Variants in CMC2 observed in about 807,000 individuals in gnomAD.
CMC2 encodes the protein COX assembly mitochondrial protein 2 homolog.
A neutral mutation model predicts 7.5 loss-of-function variants in CMC2; 5 were observed. That is an observed-to-expected ratio of 0.66 (90% confidence interval 0.35 to 1.40). The LOEUF (loss-of-function observed/expected upper bound fraction) is 1.40, where lower values mean the gene tolerates loss of function less well. CMC2 is among the 40% of genes most tolerant of loss of function. The pLI is 0.04. For missense variants in CMC2, 115 were observed against 92.3 expected, an observed-to-expected ratio of 1.25 and a Z score of -1.01; for synonymous variants, 37 against 31.4, an observed-to-expected ratio of 1.18 and a Z score of -0.60.
In CMC2 at chr16:80,969,325, C is replaced by T. The variant is rs140618855; in HGVS notation, c.*6768G>A. ...AAGCAGCACAGGGAGGCACAAGGTACCTGAACCAACTAAGGACCGAAGAAC... is the reference window on the plus strand; with the variant it reads ...AAGCAGCACAGGGAGGCACAAGGTATCTGAACCAACTAAGGACCGAAGAAC... On this transcript the variant is annotated 3_prime_UTR_variant, in exon 4 of 4. Transcript: ENST00000219400. 3.3e-5 allele frequency: 5 copies of T among 152,544 alleles called. No homozygotes were observed. The East Asian group carries it at 9.6e-4, about 29-fold the overall frequency. 9.4% of individuals were successfully genotyped at this position (152,544 alleles called of 1,614,324 possible). A position where few individuals can be genotyped will look rare whatever the true frequency, so the allele number is the denominator to read the frequency against.
At chr16:81,005,273 T>C (rs61358325) in intron 1 of CMC2, among the ~76,000 whole-genome samples, 2,344 of 152,110 alleles carry the variant, frequency 0.015, 60 homozygotes, top group African/African-American at 0.053. Flanking sequence ...ATACAAAAAT[T>C]AGCCAGGCGT....
At chr16:80,987,761 T>C (rs752281713) in intron 2 of CMC2, among the ~76,000 whole-genome samples, 1 of 152,306 alleles carries the variant, frequency 6.6e-6, no homozygotes, top group African/African-American at 2.4e-5. Flanking sequence ...CACTGCAGCA[T>C]TCCAGCACAG....
At chr16:81,002,979 C>T (rs1279041467) in intron 1 of CMC2, among the ~76,000 whole-genome samples, 2 of 152,212 alleles carry the variant, frequency 1.3e-5, no homozygotes, top group African/African-American at 4.8e-5. Context: ...TTGCTTTCCC[C>T]ATCACTCCCT....
chr16:80,977,834 G>A (rs1034407101), intron 3 of CMC2, among the ~76,000 whole-genome samples: 2 of 152,200 alleles, frequency 1.3e-5, no homozygotes, highest in African/African-American at 4.8e-5. Flanking sequence ...CACTTTGGGA[G>A]GCTGAGGCGA....
At chr16:81,002,066 T>G (rs1968906461) in intron 1 of CMC2, among the ~76,000 whole-genome samples, 1 of 152,226 alleles carries the variant, frequency 6.6e-6, no homozygotes, top group Admixed American at 6.5e-5. Flanking sequence ...ACCAATATTC[T>G]GCACCTACAT....
chr16:81,001,525 T>A (rs1349131899), intron 1 of CMC2, among the ~76,000 whole-genome samples: 1 of 152,078 alleles, frequency 6.6e-6, no homozygotes, highest in East Asian at 1.9e-4. Context: ...AGATAAAAAG[T>A]ATTATGGAGA....
Position 80,971,348 on chromosome 16 carries a change from T to C in CMC2, c.*4745A>G, listed in dbSNP as rs1238782214. 6.6e-6 allele frequency: 1 copy of C among 151,606 alleles called. No individual in the cohort carries two copies. Among genetic ancestry groups the C allele is most frequent in the African/African-American group, 2.4e-5 (1 of 41,158 alleles). The allele number at this position is 151,606 out of a possible 1,614,324, so 9.4% of individuals were successfully genotyped here. On this transcript the variant is annotated 3_prime_UTR_variant, in exon 4 of 4. Coordinates refer to ENST00000219400, the MANE Select transcript of CMC2 (RefSeq NM_020188.5). ...CAAAGACTGGATATCTAAGTGACCA[T>C]CTACGGGGAAATACATAAACCGTGG...
rs1325056498 is a variant in CMC2 at position 80,995,799 on chromosome 16, C to G, written c.81+1515G>C. On this transcript the variant is annotated intron_variant, in intron 2 of 3. Coordinates refer to ENST00000219400, the MANE Select transcript of CMC2 (RefSeq NM_020188.5). ...GTTGGGGACTCACTGCAAAGGGGCA[C>G]AGGAAACTGATAGAAATGTTTTAGA... 2.6e-5 allele frequency among the ~76,000 whole-genome samples: 4 copies of G among 152,080 alleles called. No individual in the cohort carries two copies. The East Asian group carries it at 7.7e-4, about 29-fold the overall frequency.
At chr16:80,992,049 T>A (rs1293934854) in intron 2 of CMC2, 1 of 414,504 alleles carries the variant, frequency 2.4e-6, no homozygotes, top group African/African-American at 2.1e-5. Flanking sequence ...CAATATTGGT[T>A]TATTAACTGT....
chr16:81,004,841 T>A (rs1969132710), intron 1 of CMC2, among the ~76,000 whole-genome samples: 1 of 152,176 alleles, frequency 6.6e-6, no homozygotes, highest in Admixed American at 6.5e-5. Flanking sequence ...TTTTAGAAAA[T>A]AAACCAAGAG....
rs1250647086 is a variant in CMC2 at position 80,997,234 on chromosome 16, T to A, written c.81+80A>T. The A allele has an allele frequency of 9.7e-6, 8 of 824,940 alleles. No individual in the cohort carries two copies. The African/African-American group carries it at 1.3e-4, about 14-fold the overall frequency. The allele number at this position is 824,940 out of a possible 1,614,324, so 51.1% of individuals were successfully genotyped here. A position where few individuals can be genotyped will look rare whatever the true frequency, so the allele number is the denominator to read the frequency against. On this transcript the variant is annotated intron_variant, in intron 2 of 3. Transcript: ENST00000219400. ...ACTAAGACATTATCGTTTCCTTCTATCAACGGAGATAACATTTTACATCAG... is the reference window on the plus strand; with the variant it reads ...ACTAAGACATTATCGTTTCCTTCTAACAACGGAGATAACATTTTACATCAG...
At position 80,970,561 on chromosome 16, in the gene CMC2, C is replaced by A. The variant is rs1218239535; in HGVS notation, c.*5532G>T. On this transcript the variant is annotated 3_prime_UTR_variant, in exon 4 of 4. Transcript: ENST00000219400. Reference sequence around the variant, plus strand: ...AGAGAAGTCTGATGTATCTATTAAACATTATACTGAATGTTCTAAGTACAA... The same window carrying A: ...AGAGAAGTCTGATGTATCTATTAAAAATTATACTGAATGTTCTAAGTACAA... The A allele has an allele frequency of 6.6e-6, 1 of 152,182 alleles. No individual in the cohort carries two copies. The highest frequency in any genetic ancestry group is 1.9e-4 in the East Asian group (1 of 5,202). The allele number at this position is 152,182 out of a possible 1,614,324, so 9.4% of individuals were successfully genotyped here.
At chr16:80,996,367 T>C (rs1968415195) in intron 2 of CMC2, among the ~76,000 whole-genome samples, 1 of 152,242 alleles carries the variant, frequency 6.6e-6, no homozygotes, top group African/African-American at 2.4e-5. Flanking sequence ...TATTCTACTT[T>C]AACACAAATA....
chr16:80,990,755 G>C (rs1037095293), intron 2 of CMC2, among the ~76,000 whole-genome samples: 1 of 151,938 alleles, frequency 6.6e-6, no homozygotes, highest in Non-Finnish European at 1.5e-5. Flanking sequence ...GTCTTACTCT[G>C]TCACCCAGGC....
At chr16:80,987,531 T>C (rs1477371108) in intron 2 of CMC2, among the ~76,000 whole-genome samples, 3 of 152,194 alleles carry the variant, frequency 2.0e-5, no homozygotes, top group African/African-American at 7.2e-5. Flanking sequence ...AATTCTGTAT[T>C]TTACCTTCAG....
chr16:80,991,244 G>A (rs1967968635), intron 2 of CMC2, among the ~76,000 whole-genome samples: 1 of 152,148 alleles, frequency 6.6e-6, no homozygotes, highest in Non-Finnish European at 1.5e-5. Context: ...CCACCACCTT[G>A]GAGGAACAGG....
intron 2 of CMC2, chr16:80,997,112 T>A (rs963390007): frequency 3.4e-6 from 2 of 584,010 alleles, no homozygotes; most frequent in Non-Finnish European, 6.2e-6. Context: ...AACTACCATG[T>A]CTGATTTTTA....
At position 80,966,475 on chromosome 16, in the gene CMC2, T is replaced by C. The variant is rs942485365; in HGVS notation, c.*9618A>G. 6.6e-6 allele frequency: 1 copy of C among 152,252 alleles called. No individual in the cohort carries two copies. Among genetic ancestry groups the C allele is most frequent in the Non-Finnish European group, 1.5e-5 (1 of 68,048 alleles). The allele number at this position is 152,252 out of a possible 1,614,324, so 9.4% of individuals were successfully genotyped here. A position where few individuals can be genotyped will look rare whatever the true frequency, so the allele number is the denominator to read the frequency against. ...CTATTTCCAATTCAAATTTAATGCA[T>C]GTTTTGACTTGAATTTTACACTTGT... is the stretch of plus-strand genomic sequence containing the variant. On this transcript the variant is annotated 3_prime_UTR_variant, in exon 4 of 4. Coordinates refer to ENST00000219400, the MANE Select transcript of CMC2 (RefSeq NM_020188.5).
At chr16:81,005,514 A>T (rs1969221919) in intron 1 of CMC2, among the ~76,000 whole-genome samples, 2 of 151,888 alleles carry the variant, frequency 1.3e-5, no homozygotes, top group Admixed American at 1.3e-4. Context: ...CAACTTTTCA[A>T]GCTATGAGCC....
Sources: gnomAD v4.1 joint callset for allele counts (sites outside exome capture counted in the v4.1 genomes callset) on GRCh38, gnomAD v4.1.1 for gene constraint, MANE v1.5 for transcripts, NCBI Gene and HGNC (gene_info 2026-07-23, HGNC 2026-07-21) for gene names.